SLC44A5: variants seen among roughly 807,000 people sequenced by gnomAD.
SLC44A5 encodes the protein solute carrier family 44 member 5.
Under a neutral mutation model 101.8 loss-of-function variants are expected in SLC44A5, and 57 were observed. The ratio of observed to expected loss-of-function variants is 0.56; its 90% CI spans 0.45 to 0.70. The LOEUF (loss-of-function observed/expected upper bound fraction) is 0.70, where lower values mean the gene tolerates loss of function less well. Among genes scored for constraint, SLC44A5 ranks in the 30% least tolerant of loss-of-function variants. The pLI, the probability that SLC44A5 is intolerant of heterozygous loss-of-function variation, is 0.00. For missense variants in SLC44A5, 737 were observed against 853.1 expected (o/e 0.86, Z 1.70); for synonymous variants, 281 against 290.9 (o/e 0.97, Z 0.35).
the SLC44A5 span, among the ~76,000 whole-genome samples, chr1:75,719,491 G>C: frequency 2.6e-5 from 4 of 152,180 alleles, no homozygotes; most frequent in East Asian, 5.8e-4. Context: ...TTAGATTCTA[G>C]CCCTGACCAC....
intron 4 of SLC44A5, among the ~76,000 whole-genome samples, chr1:75,329,680 A>G (rs1049081507): frequency 6.6e-6 from 1 of 152,096 alleles, no homozygotes; most frequent in Non-Finnish European, 1.5e-5. Context: ...CCTTTTCCAT[A>G]AAAACTGAAA....
chr1:75,607,279 A>G (rs1322991972), intron 1 of SLC44A5, among the ~76,000 whole-genome samples: 2 of 151,920 alleles, frequency 1.3e-5, no homozygotes, highest in Non-Finnish European at 2.9e-5. Context: ...TCTTTCTCTC[A>G]CATGAAACAT....
intron 1 of SLC44A5, among the ~76,000 whole-genome samples, chr1:75,569,407 A>G (rs1672956866): frequency 6.6e-6 from 1 of 151,722 alleles, no homozygotes. Context: ...ATGTCCAGCT[A>G]ATTTTTGTAT....
chr1:75,681,393 A>G, the SLC44A5 span, among the ~76,000 whole-genome samples: 1 of 151,832 alleles, frequency 6.6e-6, no homozygotes, highest in African/African-American at 2.4e-5. Context: ...GCAGCACATC[A>G]AAAAGCTTAT....
At chr1:75,482,187 A>C (rs1156333108) in intron 2 of SLC44A5, among the ~76,000 whole-genome samples, 1 of 150,912 alleles carries the variant, frequency 6.6e-6, no homozygotes, top group South Asian at 2.1e-4. Context: ...ACCAAACACC[A>C]CATGTTCTCA....
intron 2 of SLC44A5, among the ~76,000 whole-genome samples, chr1:75,442,814 G>C (rs1665285032): frequency 6.6e-6 from 1 of 152,094 alleles, no homozygotes; most frequent in African/African-American, 2.4e-5. Flanking sequence ...TCTTTAACAA[G>C]TGCCTAAATA....
At chr1:75,476,096 TC>T in intron 2 of SLC44A5, among the ~76,000 whole-genome samples, 1 of 151,956 alleles carries the variant, frequency 6.6e-6, no homozygotes, top group Non-Finnish European at 1.5e-5. Context: ...GGCATGAGAA[TC>T]GCTTGAACCC....
intron 1 of SLC44A5, among the ~76,000 whole-genome samples, chr1:75,576,145 T>C (rs1673348981): frequency 2.7e-5 from 4 of 150,340 alleles, no homozygotes; most frequent in African/African-American, 7.4e-5. Flanking sequence ...GAAATAGAGA[T>C]GAATGGGATG....
Position 75,396,594 on chromosome 1 carries a change from T to C in SLC44A5, c.41A>G (p.Glu14Gly), listed in dbSNP as rs778671363. ...TEKPADTPSE[E>G]EDFGDPRTYD... ...AGACTATGACTTACCAAAGTCCTCT[T>C]CCTCAGAGGGAGTATCTGCTGGTTT... The change falls in exon 3 of 24, where the codon GAA becomes GGA. Residue 14 changes from glutamate to glycine, a missense_variant. By Grantham distance (98) the Glu-to-Gly change is moderately conservative (BLOSUM62 -2). This residue lies in a region of SLC44A5 where 665 missense variants were observed against 764.4 expected (regional missense o/e 0.87). Transcript: ENST00000370859. 2 of 1,612,580 alleles carry C rather than the reference T, an allele frequency of 1.2e-6. No homozygotes were observed. The highest frequency in any genetic ancestry group is 1.3e-5 in the African/African-American group (1 of 74,884).
chr1:75,387,184 G>A (rs1005782297), intron 3 of SLC44A5, among the ~76,000 whole-genome samples: 4 of 152,060 alleles, frequency 2.6e-5, no homozygotes, highest in African/African-American at 7.2e-5. Context: ...CAAAAGCAAC[G>A]GCAACAAAAG....
chr1:75,446,634 A>G (rs1276564799), intron 2 of SLC44A5, among the ~76,000 whole-genome samples: 1 of 146,642 alleles, frequency 6.8e-6, no homozygotes, highest in Non-Finnish European at 1.5e-5. Context: ...GTGAACTGTG[A>G]ATAGTGCCTG....
At position 75,222,423 on chromosome 1, in the gene SLC44A5, G is replaced by A. The variant is rs369058468; in HGVS notation, c.1023C>T (p.Leu341=). The A allele has an allele frequency of 6.2e-7, 1 of 1,613,330 alleles. No homozygotes were observed. Among genetic ancestry groups the A allele is most frequent in the Non-Finnish European group, 8.5e-7 (1 of 1,179,746 alleles). ...ILCIIEVIVI[L]MLIFLRNRIR... is the part of the protein sequence containing the mutation. The stretch of plus-strand genomic sequence containing the variant: ...TTCGATTCCTGAGGAAGATCAGCAT[G>A]AGGATGACAATCACTTCAATGATGC... Residue 341 remains leucine, a synonymous_variant, in exon 14 of 24, where the codon CTC becomes CTT. Transcript: ENST00000370859.
At chr1:75,480,958 C>A (rs533940409) in intron 2 of SLC44A5, among the ~76,000 whole-genome samples, 1 of 152,068 alleles carries the variant, frequency 6.6e-6, no homozygotes. Flanking sequence ...CAATCCTAAG[C>A]GAAAAGAACA....
chr1:75,656,104 C>A, the SLC44A5 span, among the ~76,000 whole-genome samples: 2 of 152,094 alleles, frequency 1.3e-5, no homozygotes, highest in African/African-American at 2.4e-5. Context: ...AGTGGAATGA[C>A]ATCTTCAAAG....
At chr1:75,234,144 C>A in intron 11 of SLC44A5, 46 bp from the exon 12 acceptor site, 1 of 1,347,296 alleles carries the variant, frequency 7.4e-7, no homozygotes, top group Non-Finnish European at 1.0e-6. Context: ...GTGCTAAACA[C>A]AGCATATTAC....
intron 7 of SLC44A5, among the ~76,000 whole-genome samples, chr1:75,245,378 GT>G (rs1649017337): frequency 6.6e-6 from 1 of 152,118 alleles, no homozygotes; most frequent in Non-Finnish European, 1.5e-5. Context: ...CTTTTAGAAG[GT>G]TAAGATGATT....
intron 2 of SLC44A5, among the ~76,000 whole-genome samples, chr1:75,529,871 C>A (rs1670624853): frequency 6.6e-6 from 1 of 152,130 alleles, no homozygotes; most frequent in South Asian, 2.1e-4. Context: ...AAAATTTCTC[C>A]TGCAAGGGCA....
At chr1:75,580,141 A>G (rs888868730) in intron 1 of SLC44A5, among the ~76,000 whole-genome samples, 8 of 152,180 alleles carry the variant, frequency 5.3e-5, no homozygotes, top group African/African-American at 1.9e-4. Flanking sequence ...AAATAAAAAA[A>G]GACTACCTAC....
At chr1:75,401,997 C>T (rs1249416665) in intron 2 of SLC44A5, among the ~76,000 whole-genome samples, 1 of 151,492 alleles carries the variant, frequency 6.6e-6, no homozygotes, top group African/African-American at 2.4e-5. Context: ...AAATGTGATC[C>T]ACACATGAAG....
Sources: gnomAD v4.1 joint callset for allele counts (sites outside exome capture counted in the v4.1 genomes callset) on GRCh38, gnomAD v4.1.1 for gene constraint, gnomAD v4.1.1 regional missense constraint, MANE v1.5 for transcripts, NCBI Gene and HGNC (gene_info 2026-07-23, HGNC 2026-07-21) for gene names.